Variants in PRORP observed in about 807,000 individuals in gnomAD.
PRORP encodes mitochondrial ribonuclease P catalytic subunit.
Under a neutral mutation model 59.4 loss-of-function variants are expected in PRORP, and 51 were observed. The observed-to-expected ratio is 0.86, with a 90% confidence interval of 0.69 to 1.08. The LOEUF is 1.08. PRORP is among the 50% of genes least tolerant of loss of function. PRORP has a pLI of 0.00. For synonymous variants in PRORP, 231 were observed against 245.6 expected (o/e 0.94, Z 0.55); for missense variants, 646 against 690.3 (o/e 0.94, Z 0.72).
chr14:35,235,516 C>G (rs1209960831), intron 5 of PRORP: 1 of 594,876 alleles, frequency 1.7e-6, no homozygotes, highest in African/African-American at 1.8e-5. Flanking sequence ...TCACCACCAG[C>G]TGAGCCTTCT....
At chr14:35,175,520 T>C (rs1290419183) in intron 4 of PRORP, among the ~76,000 whole-genome samples, 1 of 152,242 alleles carries the variant, frequency 6.6e-6, no homozygotes, top group Non-Finnish European at 1.5e-5. Context: ...TTCATGTGTC[T>C]GTTGGCTGAA....
intron 4 of PRORP, among the ~76,000 whole-genome samples, chr14:35,142,010 C>T (rs1231504347): frequency 6.9e-6 from 1 of 145,352 alleles, no homozygotes; most frequent in Non-Finnish European, 1.5e-5. Context: ...TCCTGAGTAG[C>T]TGGGATTACA....
chr14:35,183,978 G>T (rs1454745164), intron 5 of PRORP, among the ~76,000 whole-genome samples: 2 of 152,158 alleles, frequency 1.3e-5, no homozygotes, highest in Non-Finnish European at 2.9e-5. Flanking sequence ...GGAATTCGAA[G>T]TTCTATAAGT....
At chr14:35,154,584 T>G (rs1357369941) in intron 4 of PRORP, among the ~76,000 whole-genome samples, 1 of 152,014 alleles carries the variant, frequency 6.6e-6, no homozygotes, top group Non-Finnish European at 1.5e-5. Context: ...ACTACTAATT[T>G]ACTGGAAATA....
At chr14:35,127,338 T>G (rs551457295) in intron 3 of PRORP, 141 bp from the exon 4 acceptor site, 111 of 580,154 alleles carry the variant, frequency 1.9e-4, no homozygotes, top group Non-Finnish European at 2.6e-4. Context: ...TACAAAAAAT[T>G]AGATGTATGT....
intron 4 of PRORP, among the ~76,000 whole-genome samples, chr14:35,145,220 A>G (rs1243242256): frequency 6.9e-6 from 1 of 144,092 alleles, no homozygotes; most frequent in African/African-American, 2.4e-5. Context: ...TAATCCTCCA[A>G]CCTTGGCCTC....
In PRORP at chr14:35,124,208, C is replaced by A. The variant is rs372368846; in HGVS notation, c.963C>A (p.His321Gln). ...TGTATCCAGGGGAGTCATTTGCACA[C>A]AGTATAAAAACATGGTTTGAGAGGT... ...NQLYPGESFAHSIKTWFESVP... is the reference protein window; with the variant it reads ...NQLYPGESFAQSIKTWFESVP... Residue 321 changes from histidine to glutamine, a missense_variant, in exon 2 of 8, where the codon CAC becomes CAA. Transcript: ENST00000534898. The A allele has an allele frequency of 2.4e-4, 379 of 1,560,838 alleles. 1 individual carries two copies. The highest frequency in any genetic ancestry group is 3.1e-4 in the Non-Finnish European group (363 of 1,158,956).
intron 4 of PRORP, among the ~76,000 whole-genome samples, chr14:35,142,189 A>G (rs1014725008): frequency 7.0e-6 from 1 of 143,162 alleles, no homozygotes; most frequent in Admixed American, 7.4e-5. Flanking sequence ...TTAATTTATT[A>G]TCTTATGTAG....
At chr14:35,226,833 C>T (rs2049947734) in intron 5 of PRORP, among the ~76,000 whole-genome samples, 1 of 152,030 alleles carries the variant, frequency 6.6e-6, no homozygotes, top group Admixed American at 6.6e-5. Context: ...CTCCCAGGCT[C>T]AGGTGATCCT....
At chr14:35,127,719 G>A in intron 4 of PRORP, 108 bp downstream of exon 4, 1 of 1,141,840 alleles carries the variant, frequency 8.8e-7, no homozygotes, top group Non-Finnish European at 1.3e-6. Context: ...TAGGTCATCG[G>A]TCCCTGTTGC....
intron 4 of PRORP, among the ~76,000 whole-genome samples, chr14:35,174,426 T>C (rs530408765): frequency 1.3e-5 from 2 of 152,326 alleles, no homozygotes; most frequent in Admixed American, 6.5e-5. Context: ...TGACTTCGTT[T>C]ATTTTCTGCA....
At chr14:35,228,983 C>T (rs980425756) in intron 5 of PRORP, among the ~76,000 whole-genome samples, 58 of 152,212 alleles carry the variant, frequency 3.8e-4, no homozygotes, top group African/African-American at 1.4e-3. Context: ...TAACAATATC[C>T]ATTCTGACTG....
intron 5 of PRORP, among the ~76,000 whole-genome samples, chr14:35,241,283 T>C (rs1187539602): frequency 3.3e-5 from 5 of 151,518 alleles, no homozygotes; most frequent in Non-Finnish European, 7.4e-5. Context: ...GAGGCTGAGG[T>C]AGGAGAATCT....
chr14:35,152,264 A>G (rs1205706148), intron 4 of PRORP, among the ~76,000 whole-genome samples: 1 of 152,250 alleles, frequency 6.6e-6, no homozygotes, highest in Non-Finnish European at 1.5e-5. Flanking sequence ...GTCATAGATC[A>G]ACAGCATCCC....
At chr14:35,267,918 G>T (rs189965054) in intron 6 of PRORP, among the ~76,000 whole-genome samples, 1 of 152,252 alleles carries the variant, frequency 6.6e-6, no homozygotes, top group East Asian at 1.9e-4. Flanking sequence ...GGCAGAAACC[G>T]CAATGCAGAG....
At chr14:35,153,642 T>G (rs765206035) in intron 4 of PRORP, among the ~76,000 whole-genome samples, 3 of 152,214 alleles carry the variant, frequency 2.0e-5, no homozygotes, top group Non-Finnish European at 4.4e-5. Context: ...TGTTCTTCAT[T>G]TGATGAAGGA....
chr14:35,129,636 A>T (rs1036533125), intron 4 of PRORP, among the ~76,000 whole-genome samples: 1 of 151,660 alleles, frequency 6.6e-6, no homozygotes, highest in Non-Finnish European at 1.5e-5. Context: ...CACCATGCCC[A>T]GCAAATTTTT....
intron 5 of PRORP, among the ~76,000 whole-genome samples, chr14:35,208,149 CAA>C (rs746541203): frequency 2.9e-5 from 4 of 135,906 alleles, no homozygotes; most frequent in Admixed American, 7.4e-5. Flanking sequence ...GACTCCATCT[CAA>C]AAAAAAAAAA....
At chr14:35,210,750 C>CCT in intron 5 of PRORP, among the ~76,000 whole-genome samples, 1 of 34,084 alleles carries the variant, frequency 2.9e-5, no homozygotes, top group South Asian at 2.1e-3. Context: ...TTTCTTTTGC[C>CCT]TTTTTTTTTT....
Sources: allele counts gnomAD v4.1 joint callset (sites outside exome capture counted in the v4.1 genomes callset), GRCh38; gene constraint gnomAD v4.1.1; transcripts MANE v1.5; gene names NCBI Gene and HGNC (gene_info 2026-07-23, HGNC 2026-07-21).